Variants in MCUB observed in about 807,000 individuals in gnomAD.
MCUB encodes mitochondrial calcium uniporter dominant negative subunit beta.
In MCUB, 46 loss-of-function variants were observed where a neutral mutation model predicts 41.4. That is an observed-to-expected ratio of 1.11 (90% CI 0.88 to 1.42). The LOEUF is 1.42. Among genes scored for constraint, MCUB ranks in the 40% most tolerant of loss-of-function variants. MCUB has a pLI of 0.00. For synonymous variants in MCUB, 148 were observed against 148.2 expected (o/e 1.00, Z 0.01); for missense variants, 403 against 404.9 (o/e 1.00, Z 0.04).
In MCUB at chr4:109,619,064, CTACCTACCTACCTATT is replaced by C. The variant is rs1468782167; in HGVS notation, c.100-39944_100-39929del. Reference sequence around the variant, plus strand: ...CCTACCTACCTACCTACCTACCTACCTACCTACCTACCTATTTATTGAGATGGAGTCTTGCTCTGTC... The same window carrying C: ...CCTACCTACCTACCTACCTACCTACCTATTGAGATGGAGTCTTGCTCTGTC... On this transcript the variant is annotated intron_variant, in intron 1 of 7. Transcript: ENST00000394650. Among the ~76,000 whole-genome samples, 100 of 150,098 alleles carry C rather than the reference CTACCTACCTACCTATT, an allele frequency of 6.7e-4. 1 individual carries two copies. Among genetic ancestry groups the C allele is most frequent in the African/African-American group, 2.3e-3 (91 of 40,282 alleles).
chr4:109,652,814 T>C (rs770325995), intron 1 of MCUB, among the ~76,000 whole-genome samples: 6 of 152,210 alleles, frequency 3.9e-5, no homozygotes, highest in Non-Finnish European at 8.8e-5. Context: ...AGGTTGGTAA[T>C]TATTTTCCTT....
At chr4:109,671,275 G>A (rs1729452694) in intron 4 of MCUB, among the ~76,000 whole-genome samples, 1 of 152,022 alleles carries the variant, frequency 6.6e-6, no homozygotes, top group South Asian at 2.1e-4. Flanking sequence ...ATATTCTTTT[G>A]GACAGTTCTC....
chr4:109,672,910 A>G (rs562223825), intron 4 of MCUB, among the ~76,000 whole-genome samples: 1 of 152,284 alleles, frequency 6.6e-6, no homozygotes, highest in South Asian at 2.1e-4. Context: ...ATCATGTCCC[A>G]TCACTTTTAT....
At chr4:109,596,268 T>C (rs1166306744) in intron 1 of MCUB, among the ~76,000 whole-genome samples, 1 of 84,188 alleles carries the variant, frequency 1.2e-5, no homozygotes, top group Non-Finnish European at 2.3e-5. Flanking sequence ...GGATGGGAAC[T>C]GGGATTTCTG....
chr4:109,623,424 G>T (rs988784209), intron 1 of MCUB, among the ~76,000 whole-genome samples: 6 of 152,164 alleles, frequency 3.9e-5, no homozygotes, highest in African/African-American at 1.4e-4. Flanking sequence ...TGCTTCAAAA[G>T]GCATCATAAT....
At chr4:109,649,962 A>G (rs1028995755) in intron 1 of MCUB, among the ~76,000 whole-genome samples, 1 of 152,162 alleles carries the variant, frequency 6.6e-6, no homozygotes, top group African/African-American at 2.4e-5. Flanking sequence ...ATCTGAACCC[A>G]GGTGTGGTAT....
chr4:109,651,573 T>A (rs1728961725), intron 1 of MCUB, among the ~76,000 whole-genome samples: 1 of 152,206 alleles, frequency 6.6e-6, no homozygotes, highest in Non-Finnish European at 1.5e-5. Context: ...TTTCTATACT[T>A]ACATACACAC....
At chr4:109,667,143 A>G (rs1289991815) in intron 4 of MCUB, among the ~76,000 whole-genome samples, 5 of 152,106 alleles carry the variant, frequency 3.3e-5, no homozygotes, top group Non-Finnish European at 7.4e-5. Flanking sequence ...TGTCTTCTGA[A>G]AGAGATTGTA....
chr4:109,618,888 A>T (rs1012451499), intron 1 of MCUB, among the ~76,000 whole-genome samples: 8 of 151,870 alleles, frequency 5.3e-5, no homozygotes, highest in African/African-American at 1.9e-4. Context: ...TGCATTTATT[A>T]CCCTCTGTAA....
At chr4:109,685,613 AT>A (rs1195086959) in intron 7 of MCUB, among the ~76,000 whole-genome samples, 1 of 152,244 alleles carries the variant, frequency 6.6e-6, no homozygotes, top group African/African-American at 2.4e-5. Flanking sequence ...AGATAGTAAA[AT>A]AAAAGTTTTC....
chr4:109,585,403 A>T (rs541792209), intron 1 of MCUB, among the ~76,000 whole-genome samples: 1 of 152,150 alleles, frequency 6.6e-6, no homozygotes, highest in African/African-American at 2.4e-5. Flanking sequence ...TCTTTATTCA[A>T]TTTGCCAGTC....
intron 1 of MCUB, among the ~76,000 whole-genome samples, chr4:109,615,718 A>C (rs1426549793): frequency 6.6e-6 from 1 of 152,132 alleles, no homozygotes; most frequent in Non-Finnish European, 1.5e-5. Flanking sequence ...ATAGATGTGA[A>C]TTTATTTGCT....
At chr4:109,662,680 A>G (rs948185241) in intron 3 of MCUB, among the ~76,000 whole-genome samples, 1 of 152,232 alleles carries the variant, frequency 6.6e-6, no homozygotes, top group African/African-American at 2.4e-5. Context: ...TGTATAAAGG[A>G]TAATATAGTA....
At chr4:109,627,430 A>G (rs1455494781) in intron 1 of MCUB, among the ~76,000 whole-genome samples, 1 of 152,252 alleles carries the variant, frequency 6.6e-6, no homozygotes, top group Non-Finnish European at 1.5e-5. Context: ...CAAGCATTTT[A>G]GGAAATCAAC....
chr4:109,660,194 G>A lies in MCUB; in HGVS notation c.176-1G>A. On this transcript the variant is annotated splice_acceptor_variant, in intron 2 of 7. Coordinates refer to ENST00000394650, the MANE Select transcript of MCUB (RefSeq NM_017918.5). LOFTEE classifies it high-confidence loss of function. ...TTTTTTTTTCTTTTTTTCCTTAACA[G>A]AAATAACAGTTATTTATAGACATGG... 5 of 1,430,056 alleles carry A rather than the reference G, an allele frequency of 3.5e-6. No individual in the cohort carries two copies. The South Asian group carries it at 5.4e-5, about 16-fold the overall frequency. 88.6% of individuals were successfully genotyped at this position (1,430,056 alleles called of 1,614,324 possible).
intron 1 of MCUB, among the ~76,000 whole-genome samples, chr4:109,653,006 A>AT (rs1241775590): frequency 6.6e-6 from 1 of 152,202 alleles, no homozygotes; most frequent in African/African-American, 2.4e-5. Context: ...TTGTATGAAC[A>AT]TAAGCTTTCA....
At chr4:109,568,106 A>G (rs1251380676) in intron 1 of MCUB, among the ~76,000 whole-genome samples, 1 of 152,188 alleles carries the variant, frequency 6.6e-6, no homozygotes, top group Admixed American at 6.5e-5. Context: ...GTGTTTTGCA[A>G]AGAGACATCA....
At chr4:109,583,636 G>A (rs990769347) in intron 1 of MCUB, among the ~76,000 whole-genome samples, 4 of 152,168 alleles carry the variant, frequency 2.6e-5, no homozygotes, top group Non-Finnish European at 5.9e-5. Context: ...TCCCTGTCTT[G>A]TGCCAGTTTT....
Position 109,615,260 on chromosome 4 carries a change from C to T in MCUB, c.100-43751C>T, listed in dbSNP as rs75226275. 3.6e-3 allele frequency among the ~76,000 whole-genome samples: 554 copies of T among 152,142 alleles called. 6 individuals carry two copies. Among genetic ancestry groups the T allele is most frequent in the East Asian group, 0.015 (76 of 5,172 alleles). On this transcript the variant is annotated intron_variant, in intron 1 of 7. Transcript: ENST00000394650. The stretch of plus-strand genomic sequence containing the variant: ...GTGAGGTTGAGCCATCTTTCTTTAC[C>T]CATATTGCAGATGTCAGCCCCCGGG...
Sources: allele counts gnomAD v4.1 joint callset (sites outside exome capture counted in the v4.1 genomes callset), GRCh38; gene constraint gnomAD v4.1.1; transcripts MANE v1.5; gene names NCBI Gene and HGNC (gene_info 2026-07-23, HGNC 2026-07-21).